The following UNC5D variants were observed in gnomAD, a reference collection of about 807,000 sequenced individuals.
UNC5D encodes the protein unc-5 netrin receptor D.
Under a neutral mutation model 105.4 loss-of-function variants are expected in UNC5D, and 39 were observed. The observed-to-expected ratio is 0.37, with a 90% confidence interval of 0.29 to 0.48. UNC5D has a LOEUF of 0.48. UNC5D is among the 20% of genes least tolerant of loss of function. The probability of loss-of-function intolerance (pLI) is 0.98; values close to 1 mark genes in which losing one functional copy is unlikely to be tolerated. For synonymous variants in UNC5D, 452 were observed against 450.4 expected (o/e 1.00, Z -0.04); for missense variants, 991 against 1,202.4 (o/e 0.82, Z 2.60).
At chr8:35,619,807 G>A (rs1029198956) in intron 4 of UNC5D, among the ~76,000 whole-genome samples, 5 of 152,124 alleles carry the variant, frequency 3.3e-5, no homozygotes, top group Admixed American at 2.6e-4. Context: ...CACAGTCCCC[G>A]GACTCCTTAT....
rs959490094 is a variant in UNC5D, at chr8:35,442,719, C to G, written c.104-106573C>G. ...TCTGTTTTATGTTAATTAATAAAAG[C>G]TCTCTTCCCGAGCAGAGATAAGACA... On this transcript the variant is annotated intron_variant, in intron 1 of 16. Coordinates refer to ENST00000404895, the MANE Select transcript of UNC5D (RefSeq NM_080872.4). Among the ~76,000 whole-genome samples the G allele has an allele frequency of 3.3e-5, 5 of 151,860 alleles. No homozygotes were observed. The South Asian group carries it at 8.3e-4, about 25-fold the overall frequency.
At chr8:35,296,686 G>T (rs1005721135) in intron 1 of UNC5D, among the ~76,000 whole-genome samples, 1 of 152,192 alleles carries the variant, frequency 6.6e-6, no homozygotes, top group Non-Finnish European at 1.5e-5. Flanking sequence ...CTCCCAAAGT[G>T]CTGGGATTGC....
chr8:35,773,536 C>T, intron 15 of UNC5D, among the ~76,000 whole-genome samples: 1 of 152,148 alleles, frequency 6.6e-6, no homozygotes, highest in South Asian at 2.1e-4. Flanking sequence ...TCCTACAAGG[C>T]ATTTCCTAGG....
At position 35,722,146 on chromosome 8, in the gene UNC5D, T is replaced by C. The variant is rs11988094; in HGVS notation, c.1118-64T>C. ...AATCCAATAGCATTTCCTTTTGTAT[T>C]CCCGAGTGGTTCTTTGACTTTGTGC... On this transcript the variant is annotated intron_variant, in intron 8 of 16. Coordinates refer to ENST00000404895, the MANE Select transcript of UNC5D (RefSeq NM_080872.4). 0.021 allele frequency: 32,021 copies of C among 1,557,400 alleles called. 1,921 individuals carry two copies. In the African/African-American group the frequency reaches 0.21, roughly 10 times the overall value.
At chr8:35,569,302 GA>G (rs547580709) in intron 3 of UNC5D, among the ~76,000 whole-genome samples, 115 of 152,252 alleles carry the variant, frequency 7.6e-4, no homozygotes, top group South Asian at 2.1e-3. Flanking sequence ...ATCACCTCCA[GA>G]AAGAAATTGG....
intron 4 of UNC5D, among the ~76,000 whole-genome samples, chr8:35,665,300 C>G (rs111691851): frequency 6.6e-6 from 1 of 152,310 alleles, no homozygotes; most frequent in South Asian, 2.1e-4. Context: ...CTGTCACTGT[C>G]TGCCTTGCTG....
chr8:35,400,740 T>C (rs936607879), intron 1 of UNC5D, among the ~76,000 whole-genome samples: 4 of 152,198 alleles, frequency 2.6e-5, no homozygotes, highest in African/African-American at 7.2e-5. Context: ...TCCCACCACA[T>C]TCAAAATTGG....
intron 2 of UNC5D, among the ~76,000 whole-genome samples, chr8:35,554,197 T>G (rs1816368715): frequency 6.6e-6 from 1 of 152,174 alleles, no homozygotes; most frequent in Non-Finnish European, 1.5e-5. Context: ...CTTTGGTCTT[T>G]CTGGTAATTT....
intron 4 of UNC5D, among the ~76,000 whole-genome samples, chr8:35,616,829 G>A (rs1821055350): frequency 6.6e-6 from 1 of 152,242 alleles, no homozygotes; most frequent in South Asian, 2.1e-4. Flanking sequence ...AAGGCCAGCA[G>A]TCAGTTGGTA....
rs754191096 is a variant in UNC5D, at chr8:35,557,309, C to T, written c.322+7799C>T. Among the ~76,000 whole-genome samples the T allele has an allele frequency of 7.4e-4, 113 of 152,070 alleles. 3 individuals carry two copies. Among genetic ancestry groups the T allele is most frequent in the Non-Finnish European group, 1.3e-4 (9 of 68,022 alleles). Reference sequence around the variant, plus strand: ...TTGTTTCTGTACTTAAGACTGAACTCGCGGTGCTTCTGAGGAATACGTGGA... The same window carrying T: ...TTGTTTCTGTACTTAAGACTGAACTTGCGGTGCTTCTGAGGAATACGTGGA... On this transcript the variant is annotated intron_variant, in intron 2 of 16. Coordinates refer to ENST00000404895, the MANE Select transcript of UNC5D (RefSeq NM_080872.4).
At chr8:35,329,428 T>TG (rs1554510359) in intron 1 of UNC5D, among the ~76,000 whole-genome samples, 1 of 136,948 alleles carries the variant, frequency 7.3e-6, no homozygotes, top group African/African-American at 2.7e-5. Context: ...TATATATATA[T>TG]GGGGAAAAAA....
At chr8:35,414,362 C>T (rs528838281) in intron 1 of UNC5D, among the ~76,000 whole-genome samples, 10 of 152,194 alleles carry the variant, frequency 6.6e-5, no homozygotes, top group African/African-American at 2.4e-4. Flanking sequence ...AGTTATAACA[C>T]ATTATCTTAC....
intron 1 of UNC5D, among the ~76,000 whole-genome samples, chr8:35,423,122 T>A (rs578184576): frequency 3.9e-5 from 6 of 152,294 alleles, no homozygotes; most frequent in African/African-American, 1.4e-4. Flanking sequence ...AACCTGTGGT[T>A]TAGTGGTCAA....
intron 1 of UNC5D, among the ~76,000 whole-genome samples, chr8:35,275,323 T>C (rs1805701341): frequency 6.6e-6 from 1 of 151,924 alleles, no homozygotes; most frequent in Admixed American, 6.6e-5. Flanking sequence ...CAAAATTTCA[T>C]AACAGATATC....
intron 3 of UNC5D, among the ~76,000 whole-genome samples, chr8:35,586,221 C>T (rs1818783981): frequency 6.6e-6 from 1 of 152,142 alleles, no homozygotes; most frequent in Non-Finnish European, 1.5e-5. Context: ...TTACAGTGAG[C>T]CAAGATTGCA....
chr8:35,287,296 T>C (rs1471143016), intron 1 of UNC5D, among the ~76,000 whole-genome samples: 1 of 152,108 alleles, frequency 6.6e-6, no homozygotes, highest in Non-Finnish European at 1.5e-5. Context: ...ATCTATGAAA[T>C]GACTGACAAA....
At chr8:35,646,660 G>A (rs866655075) in intron 4 of UNC5D, among the ~76,000 whole-genome samples, 63 of 152,028 alleles carry the variant, frequency 4.1e-4, no homozygotes, top group African/African-American at 1.5e-3. Context: ...ATATAAATGT[G>A]TATCTGTAAT....
chr8:35,696,117 T>TTACTAGACTG (rs1007773899), intron 7 of UNC5D, among the ~76,000 whole-genome samples: 1 of 152,098 alleles, frequency 6.6e-6, no homozygotes, highest in African/African-American at 2.4e-5. Flanking sequence ...AACATATGCA[T>TTACTAGACTG]TACTAGACTG....
chr8:35,628,503 A>G (rs564113634), intron 4 of UNC5D, among the ~76,000 whole-genome samples: 7 of 152,338 alleles, frequency 4.6e-5, no homozygotes, highest in African/African-American at 1.7e-4. Flanking sequence ...ATGTTCATGT[A>G]CAAAGTGTGC....
Sources: allele counts gnomAD v4.1 joint callset (sites outside exome capture counted in the v4.1 genomes callset), GRCh38; gene constraint gnomAD v4.1.1; transcripts MANE v1.5; gene names NCBI Gene and HGNC (gene_info 2026-07-23, HGNC 2026-07-21).